The following RAB3GAP2 variants were observed in gnomAD, a reference collection of about 807,000 sequenced individuals.
RAB3GAP2 encodes RAB3 GTPase activating non-catalytic protein subunit 2, also known as rab3 GTPase-activating protein non-catalytic subunit.
In RAB3GAP2, 87 loss-of-function variants were observed where a neutral mutation model predicts 185.3. The ratio of observed to expected loss-of-function variants is 0.47; its 90% CI spans 0.39 to 0.56. The LOEUF is 0.56. Ranked by LOEUF, RAB3GAP2 falls within the 20% of genes least tolerant of loss-of-function variation. RAB3GAP2 has a pLI of 0.00. For missense variants in RAB3GAP2, 1,492 were observed against 1,638.2 expected, an observed-to-expected ratio of 0.91 and a Z score of 1.54; for synonymous variants, 554 against 576.1, an observed-to-expected ratio of 0.96 and a Z score of 0.55.
At chr1:220,269,099 G>A (rs1026898401) in intron 1 of RAB3GAP2, among the ~76,000 whole-genome samples, 1 of 152,220 alleles carries the variant, frequency 6.6e-6, no homozygotes, top group South Asian at 2.1e-4. Flanking sequence ...CAAGGGGGTT[G>A]TATTGACTAC....
In RAB3GAP2 at chr1:220,212,499, A is replaced by T. The variant is rs181506904; in HGVS notation, c.386+388T>A. On this transcript the variant is annotated intron_variant, in intron 4 of 34. Coordinates refer to ENST00000358951, the MANE Select transcript of RAB3GAP2 (RefSeq NM_012414.4). ...TGAAATTTCTTTCTTATTCTAAAAA[A>T]TTTTTTTTTTTAAGAGACAGGGTGT... Among the ~76,000 whole-genome samples, 1,444 of 148,098 alleles carry T rather than the reference A, an allele frequency of 9.8e-3. 7 individuals carry two copies. The highest frequency in any genetic ancestry group is 0.02 in the African/African-American group (819 of 40,840).
intron 1 of RAB3GAP2, among the ~76,000 whole-genome samples, chr1:220,248,173 A>T: frequency 6.6e-6 from 1 of 152,170 alleles, no homozygotes. Context: ...GTATGATCTC[A>T]CTTATAAGTG....
Position 220,219,051 on chromosome 1 carries a change from A to G in RAB3GAP2, c.181-5072T>C, listed in dbSNP as rs557643151. Among the ~76,000 whole-genome samples, 19 of 152,370 alleles carry G rather than the reference A, an allele frequency of 1.2e-4. No individual in the cohort carries two copies. In the South Asian group the frequency reaches 1.9e-3, roughly 15 times the overall value. ...AGCTTAGCTATAATATTTTGCCCCC[A>G]GCCAGAGTAAATTTTACCATATTAT... On this transcript the variant is annotated intron_variant, in intron 2 of 34. Coordinates refer to ENST00000358951, the MANE Select transcript of RAB3GAP2 (RefSeq NM_012414.4).
At chr1:220,250,792 G>GA (rs1659917987) in intron 1 of RAB3GAP2, among the ~76,000 whole-genome samples, 1 of 152,094 alleles carries the variant, frequency 6.6e-6, no homozygotes, top group Admixed American at 6.5e-5. Flanking sequence ...TTTTATAAGG[G>GA]GCTCTCCCCC....
Position 220,158,586 on chromosome 1 carries a change from G to A in RAB3GAP2, c.3262-710C>T, listed in dbSNP as rs186416776. On this transcript the variant is annotated intron_variant, in intron 29 of 34. Coordinates refer to ENST00000358951, the MANE Select transcript of RAB3GAP2 (RefSeq NM_012414.4). This position sits in a 1 kb window ranked among gnomAD's most constrained non-coding sequence, Gnocchi z 4.3. ...CTCCTGAGTAGCTGGGATTACAGGC[G>A]CCCACCACCATGCCTGGCTAGTTTT... Among the ~76,000 whole-genome samples, 7 of 151,964 alleles carry A rather than the reference G, an allele frequency of 4.6e-5. No individual in the cohort carries two copies. The highest frequency in any genetic ancestry group is 3.9e-4 in the East Asian group (2 of 5,164).
rs1391266609 is a variant in RAB3GAP2 at position 220,205,918 on chromosome 1, T to C, written c.701A>G (p.Gln234Arg). The C allele has an allele frequency of 5.6e-6, 9 of 1,601,864 alleles. No homozygotes were observed. Among genetic ancestry groups the C allele is most frequent in the Non-Finnish European group, 7.7e-6 (9 of 1,169,348 alleles). ...LFQSLRACRN[Q>R]VAKAAASGNE... The stretch of plus-strand genomic sequence containing the variant: ...TGCCAAAATATTACCTTTTGCTACC[T>C]GATTTCGACAAGCACGAAGAGATTG... The change falls in exon 8 of 35, where the codon CAG (glutamine) becomes CGG (arginine). Residue 234 changes from glutamine to arginine, a missense_variant. Gln to Arg is a conservative substitution (Grantham distance 43). Around this residue, in one of 5 missense-constraint regions of RAB3GAP2, gnomAD observed 243 missense variants for 314.8 expected, o/e 0.77. Coordinates refer to ENST00000358951, the MANE Select transcript of RAB3GAP2 (RefSeq NM_012414.4).
intron 2 of RAB3GAP2, among the ~76,000 whole-genome samples, chr1:220,228,438 A>G (rs1395380658): frequency 6.6e-6 from 1 of 152,194 alleles, no homozygotes; most frequent in African/African-American, 2.4e-5. Context: ...GCAAAACTTC[A>G]TAATAGTGCT....
chr1:220,174,888 T>A (rs1454279949), intron 21 of RAB3GAP2, among the ~76,000 whole-genome samples: 5 of 152,190 alleles, frequency 3.3e-5, no homozygotes, highest in Non-Finnish European at 7.4e-5. Flanking sequence ...CCAACAAAAT[T>A]CAGAATGACC....
In RAB3GAP2 at chr1:220,205,942, T is replaced by G. The variant is rs1298424862; in HGVS notation, c.677A>C (p.Gln226Pro). The change falls in exon 8 of 35, where the codon CAA becomes CCA. Residue 226 changes from glutamine to proline, a missense_variant. This residue lies in a region of RAB3GAP2 where 243 missense variants were observed against 314.8 expected (regional missense o/e 0.77). Coordinates refer to ENST00000358951, the MANE Select transcript of RAB3GAP2 (RefSeq NM_012414.4). The part of the protein sequence containing the change: ...IVTIDGFSLF[Q>P]SLRACRNQVA... The stretch of plus-strand genomic sequence containing the variant: ...CTGATTTCGACAAGCACGAAGAGAT[T>G]GAAAAAGGCTAAATCCATCAATAGT... 1 of 1,611,140 alleles carries G rather than the reference T, an allele frequency of 6.2e-7. No individual in the cohort carries two copies. Among genetic ancestry groups the G allele is most frequent in the East Asian group, 2.2e-5 (1 of 44,762 alleles).
chr1:220,184,949 T>A (rs1658482217), intron 18 of RAB3GAP2, among the ~76,000 whole-genome samples: 1 of 152,040 alleles, frequency 6.6e-6, no homozygotes, highest in South Asian at 2.1e-4. Flanking sequence ...TTTGAAGTCC[T>A]GAAAGAACAA....
intron 8 of RAB3GAP2, 118 bp downstream of exon 8, chr1:220,205,789 C>T (rs1658952233): frequency 2.6e-6 from 2 of 764,080 alleles, no homozygotes; most frequent in African/African-American, 3.5e-5. Flanking sequence ...CAGGTTTTTC[C>T]CATAAATCTA....
intron 24 of RAB3GAP2, among the ~76,000 whole-genome samples, chr1:220,167,951 T>G (rs536965269): frequency 1.3e-5 from 2 of 152,218 alleles, no homozygotes; most frequent in Admixed American, 1.3e-4. Context: ...ATAAACCATA[T>G]GCTTTCTAAG....
intron 1 of RAB3GAP2, among the ~76,000 whole-genome samples, chr1:220,256,690 AAAG>A (rs1341162169): frequency 1.3e-5 from 2 of 152,208 alleles, no homozygotes; most frequent in Non-Finnish European, 2.9e-5. Flanking sequence ...TTCAATTCAA[AAAG>A]AAGAGTTAAC....
At chr1:220,162,667 G>A (rs1208097950) in intron 27 of RAB3GAP2, among the ~76,000 whole-genome samples, 2 of 152,132 alleles carry the variant, frequency 1.3e-5, no homozygotes, top group Non-Finnish European at 2.9e-5. Context: ...ATAATAATTT[G>A]GTAAAACCAC....
chr1:220,267,614 G>C, intron 1 of RAB3GAP2: 1 of 1,379,308 alleles, frequency 7.3e-7, no homozygotes, highest in Non-Finnish European at 1.0e-6. Context: ...CCGACAGCGG[G>C]GACTGCTTGC....
At chr1:220,161,383 A>T (rs893031680) in intron 28 of RAB3GAP2, among the ~76,000 whole-genome samples, 1 of 152,204 alleles carries the variant, frequency 6.6e-6, no homozygotes, top group Non-Finnish European at 1.5e-5. Context: ...GCATCCACTC[A>T]TCTGATGCTA....
chr1:220,250,900 G>C (rs1222641303), intron 1 of RAB3GAP2, among the ~76,000 whole-genome samples: 2 of 152,184 alleles, frequency 1.3e-5, no homozygotes, highest in African/African-American at 2.4e-5. Flanking sequence ...GCCTCCTCAG[G>C]CATGCTGAAG....
At chr1:220,240,601 C>G (rs1659671848) in intron 1 of RAB3GAP2, among the ~76,000 whole-genome samples, 1 of 152,108 alleles carries the variant, frequency 6.6e-6, no homozygotes, top group Non-Finnish European at 1.5e-5. Context: ...TATACCACAT[C>G]TTGAATCATA....
intron 24 of RAB3GAP2, among the ~76,000 whole-genome samples, chr1:220,169,208 T>G (rs1252929822): frequency 6.6e-6 from 1 of 152,206 alleles, no homozygotes; most frequent in East Asian, 1.9e-4. Flanking sequence ...AAACTAAAAA[T>G]CTATAAACAT....
Sources: allele counts gnomAD v4.1 joint callset (sites outside exome capture counted in the v4.1 genomes callset), GRCh38; gene constraint gnomAD v4.1.1; regional missense constraint gnomAD v4.1.1; non-coding constraint Gnocchi (gnomAD v3.1); transcripts MANE v1.5; gene names NCBI Gene and HGNC (gene_info 2026-07-23, HGNC 2026-07-21).